The following NAALADL2 variants were observed in gnomAD, a reference collection of about 807,000 sequenced individuals.
NAALADL2 encodes N-acetylated alpha-linked acidic dipeptidase like 2, also known as inactive N-acetylated-alpha-linked acidic dipeptidase-like protein 2.
NAALADL2 carries 76 observed loss-of-function variants against 87.2 expected under a neutral mutation model. The ratio of observed to expected loss-of-function variants is 0.87; its 90% CI spans 0.72 to 1.05. The LOEUF (loss-of-function observed/expected upper bound fraction) is 1.05. NAALADL2 is among the 50% of genes least tolerant of loss of function. NAALADL2 has a pLI of 0.00. For missense variants in NAALADL2, 1,089 were observed against 945.8 expected (o/e 1.15, Z -1.99); for synonymous variants, 354 against 331.0 (o/e 1.07, Z -0.75).
intron 11 of NAALADL2, among the ~76,000 whole-genome samples, chr3:175,723,161 A>G (rs1158577674): frequency 6.6e-6 from 1 of 152,146 alleles, no homozygotes; most frequent in Non-Finnish European, 1.5e-5. Flanking sequence ...CCTAAGAAAC[A>G]TGAGGTTGGT....
intron 2 of NAALADL2, among the ~76,000 whole-genome samples, chr3:175,162,534 C>T (rs1336156317): frequency 2.0e-5 from 3 of 152,092 alleles, no homozygotes; most frequent in African/African-American, 7.2e-5. Context: ...ATTGCGTCTC[C>T]TTCTTGTACA....
intron 5 of NAALADL2, among the ~76,000 whole-genome samples, chr3:175,403,040 G>A (rs1711625407): frequency 6.6e-6 from 1 of 152,102 alleles, no homozygotes; most frequent in Admixed American, 6.6e-5. Flanking sequence ...TCTGGTTTGA[G>A]CTTTATTTTT....
chr3:174,808,568 A>C (rs1044727458), intron 3 of NAALADL2, among the ~76,000 whole-genome samples: 12 of 152,302 alleles, frequency 7.9e-5, no homozygotes, highest in African/African-American at 2.9e-4. Flanking sequence ...ATTTTTAAAT[A>C]AGTATAATAA....
chr3:175,439,521 T>A (rs1198891884), intron 5 of NAALADL2, among the ~76,000 whole-genome samples: 1 of 151,956 alleles, frequency 6.6e-6, no homozygotes, highest in Admixed American at 6.6e-5. Context: ...TTTAATTTTT[T>A]GATTATGGCC....
intron 13 of NAALADL2, among the ~76,000 whole-genome samples, chr3:175,782,579 T>A (rs1029292408): frequency 6.9e-6 from 1 of 145,506 alleles, no homozygotes; most frequent in African/African-American, 2.7e-5. Context: ...TAAATTTGTT[T>A]GAGTCATTGT....
chr3:175,005,440 T>C, intron 1 of NAALADL2, among the ~76,000 whole-genome samples: 1 of 152,198 alleles, frequency 6.6e-6, no homozygotes, highest in South Asian at 2.1e-4. Context: ...TGCCTTCCTC[T>C]CAATGTCGAA....
intron 1 of NAALADL2, among the ~76,000 whole-genome samples, chr3:175,071,853 C>A (rs577738202): frequency 1.3e-5 from 2 of 152,074 alleles, no homozygotes; most frequent in African/African-American, 4.8e-5. Flanking sequence ...TTATTTAATT[C>A]CCCAGTGACT....
chr3:174,917,133 G>C (rs1473734308), intron 1 of NAALADL2, among the ~76,000 whole-genome samples: 1 of 152,044 alleles, frequency 6.6e-6, no homozygotes, highest in Admixed American at 6.6e-5. Flanking sequence ...ATTTTAAAGT[G>C]TAAATTAATA....
intron 1 of NAALADL2, among the ~76,000 whole-genome samples, chr3:174,960,047 G>C (rs1311516924): frequency 6.6e-6 from 1 of 152,050 alleles, no homozygotes; most frequent in Admixed American, 6.6e-5. Flanking sequence ...TGGGGGCAAA[G>C]TTGGCTGCAG....
At chr3:174,772,243 G>T (rs1311681169) in intron 3 of NAALADL2, among the ~76,000 whole-genome samples, 1 of 152,062 alleles carries the variant, frequency 6.6e-6, no homozygotes, top group Admixed American at 6.6e-5. Context: ...CTACCTAAAT[G>T]ACTTAGAAAA....
At chr3:175,591,555 TATC>T (rs1444448857) in intron 10 of NAALADL2, among the ~76,000 whole-genome samples, 1 of 152,024 alleles carries the variant, frequency 6.6e-6, no homozygotes, top group Non-Finnish European at 1.5e-5. Context: ...AAAGCTAAGA[TATC>T]ATCCATGATG....
intron 2 of NAALADL2, among the ~76,000 whole-genome samples, chr3:174,736,412 C>T (rs528281289): frequency 6.6e-6 from 1 of 152,180 alleles, no homozygotes; most frequent in African/African-American, 2.4e-5. Flanking sequence ...AGAGAAGACC[C>T]ACATTGGGTA....
In NAALADL2 at chr3:175,806,944, C is replaced by T. The variant is rs1754761552; in HGVS notation, c.*3741C>T. The stretch of plus-strand genomic sequence containing the variant: ...TCCAAAACTGATCAGACTGTGGAGT[C>T]TGTCACTTTTTTGGTATAATAAAGG... On this transcript the variant is annotated 3_prime_UTR_variant, in exon 14 of 14. Coordinates refer to ENST00000454872, the MANE Select transcript of NAALADL2 (RefSeq NM_207015.3). The T allele has an allele frequency of 2.0e-5, 3 of 151,642 alleles. No homozygotes were observed. The highest frequency in any genetic ancestry group is 4.8e-5 in the African/African-American group (2 of 41,332). 9.4% of individuals were successfully genotyped at this position (151,642 alleles called of 1,614,324 possible). A position where few individuals can be genotyped will look rare whatever the true frequency, so the allele number is the denominator to read the frequency against.
chr3:175,801,334 T>G (rs2108350617), intron 13 of NAALADL2, among the ~76,000 whole-genome samples: 1 of 152,216 alleles, frequency 6.6e-6, no homozygotes, highest in Non-Finnish European at 1.5e-5. Context: ...AGTTTAATCT[T>G]TTTACCTTGG....
chr3:174,971,024 A>G (rs1360861422), intron 1 of NAALADL2, among the ~76,000 whole-genome samples: 2 of 152,124 alleles, frequency 1.3e-5, no homozygotes, highest in Non-Finnish European at 2.9e-5. Flanking sequence ...GTGGGAGGTG[A>G]AAGGCATTTC....
intron 1 of NAALADL2, among the ~76,000 whole-genome samples, chr3:174,473,150 TG>T: frequency 6.6e-6 from 1 of 152,310 alleles, no homozygotes; most frequent in East Asian, 1.9e-4. Flanking sequence ...ATTTGTAAGA[TG>T]GGCTAATAAT....
chr3:174,763,763 AT>A (rs1185060252), intron 3 of NAALADL2, among the ~76,000 whole-genome samples: 2 of 150,990 alleles, frequency 1.3e-5, no homozygotes, highest in African/African-American at 4.9e-5. Context: ...ATGATTTGAA[AT>A]TGGATTTATA....
intron 2 of NAALADL2, among the ~76,000 whole-genome samples, chr3:175,109,026 A>G (rs1395139125): frequency 1.3e-5 from 2 of 151,758 alleles, no homozygotes; most frequent in Non-Finnish European, 2.9e-5. Context: ...CCTTTCCTCC[A>G]CTTTCTTATT....
At chr3:175,490,587 T>C (rs1425548858) in intron 9 of NAALADL2, among the ~76,000 whole-genome samples, 1 of 149,600 alleles carries the variant, frequency 6.7e-6, no homozygotes, top group Non-Finnish European at 1.5e-5. Flanking sequence ...ACTAGAGACA[T>C]GGTTTCACCG....
Sources: allele counts gnomAD v4.1 joint callset (sites outside exome capture counted in the v4.1 genomes callset), GRCh38; gene constraint gnomAD v4.1.1; transcripts MANE v1.5; gene names NCBI Gene and HGNC (gene_info 2026-07-23, HGNC 2026-07-21).